The following ZNF385D variants were observed in gnomAD, a reference collection of about 807,000 sequenced individuals.
ZNF385D encodes the protein zinc finger protein 385D, also known as zinc finger protein 659.
In ZNF385D, 15 loss-of-function variants were observed where a neutral mutation model predicts 35.8. That is an observed-to-expected ratio of 0.42 (90% confidence interval 0.28 to 0.64). The LOEUF (loss-of-function observed/expected upper bound fraction) is 0.64. Ranked by LOEUF, ZNF385D falls within the 30% of genes least tolerant of loss-of-function variation. The probability of loss-of-function intolerance (pLI) is 0.23; values close to 1 mark genes in which losing one functional copy is unlikely to be tolerated. For missense variants in ZNF385D, 474 were observed against 494.6 expected (o/e 0.96, Z 0.39); for synonymous variants, 212 against 186.8 (o/e 1.13, Z -1.10).
At position 22,329,873 on chromosome 3, in the gene ZNF385D, C is replaced by T. The variant is rs578180228; in HGVS notation, c.106+42577G>A. Among the ~76,000 whole-genome samples the T allele has an allele frequency of 3.1e-3, 479 of 152,214 alleles. 3 individuals carry two copies. Among genetic ancestry groups the T allele is most frequent in the African/African-American group, 9.1e-3 (377 of 41,530 alleles). ...TGAGATAGCTTTTTTTGAATCAAGT[C>T]CTTGAAATATGGTATGTGTTTTACA... On this transcript the variant is annotated intron_variant, in intron 2 of 5. Transcript: ENST00000494108.
intron 1 of ZNF385D, among the ~76,000 whole-genome samples, chr3:21,713,606 A>G (rs2068200443): frequency 1.3e-5 from 2 of 152,142 alleles, no homozygotes; most frequent in South Asian, 4.1e-4. Flanking sequence ...CTTGATGGTT[A>G]TAGCACTTCG....
intron 3 of ZNF385D, among the ~76,000 whole-genome samples, chr3:21,819,066 T>C (rs1301532574): frequency 6.6e-6 from 1 of 151,982 alleles, no homozygotes. Flanking sequence ...GGCCTTGTAA[T>C]TTTCTGGAAT....
At chr3:22,172,904 T>C (rs1038859141) in intron 2 of ZNF385D, among the ~76,000 whole-genome samples, 2 of 152,200 alleles carry the variant, frequency 1.3e-5, no homozygotes, top group East Asian at 3.8e-4. Flanking sequence ...TAGGTTATGC[T>C]TAGTGACTTG....
chr3:22,094,597 A>G (rs956979109), intron 3 of ZNF385D, among the ~76,000 whole-genome samples: 5 of 151,870 alleles, frequency 3.3e-5, no homozygotes, highest in African/African-American at 1.2e-4. Flanking sequence ...CCTGGAACTA[A>G]GGTGTGGTTT....
At chr3:22,372,621 A>C in exon 2 of ZNF385D, 5 of 586,714 alleles carry the variant, frequency 8.5e-6, no homozygotes, top group Non-Finnish European at 1.1e-5. Context: ...TGCAGCTTCA[A>C]CGGCGGTGGT....
At position 21,987,698 on chromosome 3, in the gene ZNF385D, G is replaced by A. The variant is rs988229404; in HGVS notation, c.325+181119C>T. ...CTTTGTGGTGTTCTCTGTATTTCCT[G>A]AATCTGAACATTGGCCTGCCTTGCT... On this transcript the variant is annotated intron_variant, in intron 3 of 5. Transcript: ENST00000494108. Among the ~76,000 whole-genome samples the A allele has an allele frequency of 3.5e-3, 515 of 145,412 alleles. 6 individuals carry two copies. Among genetic ancestry groups the A allele is most frequent in the African/African-American group, 0.013 (490 of 38,168 alleles).
upstream of ZNF385D, chr3:21,751,236 A>AGGG: frequency 9.0e-6 from 10 of 1,106,680 alleles, no homozygotes; most frequent in Non-Finnish European, 1.1e-5. Flanking sequence ...AGACCCCTCC[A>AGGG]CCCCACCCCA....
At chr3:21,749,867 C>G (rs559203703) in intron 1 of ZNF385D, among the ~76,000 whole-genome samples, 1 of 152,290 alleles carries the variant, frequency 6.6e-6, no homozygotes, top group South Asian at 2.1e-4. Flanking sequence ...AGTGCCCCAA[C>G]CTAAGTTTAT....
chr3:21,443,432 A>ACAG, intron 4 of ZNF385D: 1 of 681,066 alleles, frequency 1.5e-6, no homozygotes, highest in Non-Finnish European at 1.8e-6. Flanking sequence ...TGTCTTATAG[A>ACAG]ACCCATCCAT....
intron 3 of ZNF385D, among the ~76,000 whole-genome samples, chr3:22,065,580 T>C (rs1167227945): frequency 2.0e-5 from 3 of 152,070 alleles, no homozygotes; most frequent in Non-Finnish European, 4.4e-5. Flanking sequence ...AAGAGGAAAT[T>C]GGGCATGGTG....
chr3:21,960,203 T>TACACACACACAC lies in ZNF385D; in HGVS notation c.325+208602_325+208613dup, dbSNP rs61528907. 1.4e-3 allele frequency among the ~76,000 whole-genome samples: 202 copies of TACACACACACAC among 149,466 alleles called. 1 individual carries two copies. Among genetic ancestry groups the TACACACACACAC allele is most frequent in the Non-Finnish European group, 1.7e-3 (118 of 67,466 alleles). On this transcript the variant is annotated intron_variant, in intron 3 of 5. Transcript: ENST00000494108. Reference sequence around the variant, plus strand: ...AAGAAACTCAACAACTAAACAGCAATACACACACACACCCTCCCCAACACA... The same window carrying TACACACACACAC: ...AAGAAACTCAACAACTAAACAGCAATACACACACACACACACACACACACCCTCCCCAACACA...
intron 3 of ZNF385D, among the ~76,000 whole-genome samples, chr3:21,827,851 A>T (rs1303844540): frequency 3.3e-5 from 5 of 152,344 alleles, no homozygotes; most frequent in Non-Finnish European, 4.4e-5. Context: ...TACATAGTTC[A>T]GAAAGAAACA....
At chr3:21,421,550 T>C (rs1700740538) in intron 7 of ZNF385D, 103 bp from the exon 8 acceptor site, 1 of 724,086 alleles carries the variant, frequency 1.4e-6, no homozygotes, top group Non-Finnish European at 2.2e-6. Flanking sequence ...TAAACAACTA[T>C]AAAGAAAAAA....
chr3:21,999,014 C>A (rs969269350), intron 3 of ZNF385D, among the ~76,000 whole-genome samples: 2 of 152,266 alleles, frequency 1.3e-5, no homozygotes, highest in East Asian at 3.9e-4. Flanking sequence ...TTGGTTTTCT[C>A]GGTTTAGCCT....
chr3:21,901,088 T>C (rs1490841195), intron 3 of ZNF385D, among the ~76,000 whole-genome samples: 1 of 152,226 alleles, frequency 6.6e-6, no homozygotes, highest in Non-Finnish European at 1.5e-5. Context: ...GAGTAGCAAG[T>C]GCTGCGCTAA....
intron 4 of ZNF385D, among the ~76,000 whole-genome samples, chr3:21,460,552 A>C (rs1265925324): frequency 2.0e-5 from 3 of 152,212 alleles, no homozygotes; most frequent in Non-Finnish European, 4.4e-5. Flanking sequence ...TCAGCTTGGA[A>C]ATGAAATCTT....
intron 3 of ZNF385D, among the ~76,000 whole-genome samples, chr3:22,097,644 G>T (rs1474594687): frequency 6.6e-6 from 1 of 152,028 alleles, no homozygotes; most frequent in Non-Finnish European, 1.5e-5. Context: ...AGGGAAGAAA[G>T]GCCAGTATGT....
At chr3:21,591,194 C>T (rs1421864789) in intron 2 of ZNF385D, among the ~76,000 whole-genome samples, 2 of 151,950 alleles carry the variant, frequency 1.3e-5, no homozygotes, top group Admixed American at 1.3e-4. Context: ...CATCTCAAAA[C>T]AAAACAAAGT....
intron 2 of ZNF385D, among the ~76,000 whole-genome samples, chr3:22,364,599 T>C (rs1696566960): frequency 6.6e-6 from 1 of 152,050 alleles, no homozygotes; most frequent in South Asian, 2.1e-4. Flanking sequence ...ATAGAAAATA[T>C]GCATTGGTGA....
Sources: allele counts gnomAD v4.1 joint callset (sites outside exome capture counted in the v4.1 genomes callset), GRCh38; gene constraint gnomAD v4.1.1; transcripts MANE v1.5; gene names NCBI Gene and HGNC (gene_info 2026-07-23, HGNC 2026-07-21).